Variants in CELF1 observed in about 807,000 individuals in gnomAD.
CELF1 encodes the protein CUGBP Elav-like family member 1.
Under a neutral mutation model 61.8 loss-of-function variants are expected in CELF1, and 10 were observed. That is an observed-to-expected ratio of 0.16 (90% CI 0.10 to 0.27). CELF1 has a LOEUF of 0.27. Among genes scored for constraint, CELF1 ranks in the 10% least tolerant of loss-of-function variants. The probability of loss-of-function intolerance (pLI) is 1.00; values close to 1 mark genes in which losing one functional copy is unlikely to be tolerated. For synonymous variants in CELF1, 236 were observed against 225.1 expected, an observed-to-expected ratio of 1.05 and a Z score of -0.43; for missense variants, 380 against 639.1, an observed-to-expected ratio of 0.59 and a Z score of 4.37.
chr11:47,484,574 T>C (rs368358674), intron 6 of CELF1, 51 bp from the exon 7 acceptor site: 146 of 1,554,468 alleles, frequency 9.4e-5, no homozygotes, highest in Non-Finnish European at 1.1e-4. Flanking sequence ...AAAGAGGCAA[T>C]GTGGCACAGA....
rs2080455881 is a variant in CELF1, at chr11:47,476,868, G to A, written c.1065C>T (p.Gly355=). 6.2e-7 allele frequency: 1 copy of A among 1,614,108 alleles called. No individual in the cohort carries two copies. ...ALQTLAGATA[G]LNVGSLAGMA... ...TACCTGCCAAAGAGCCAACATTGAG[G>A]CCAGCCGTTGCTCCAGCTAATGTCT... Residue 355 remains glycine (G), a synonymous_variant, in exon 12 of 15, where the codon GGC becomes GGT. Coordinates refer to ENST00000687097, the MANE Select transcript of CELF1 (RefSeq NM_001376376.1).
intron 1 of CELF1, among the ~76,000 whole-genome samples, chr11:47,528,437 C>T (rs1399432775): frequency 6.6e-6 from 1 of 151,856 alleles, no homozygotes; most frequent in African/African-American, 2.4e-5. Flanking sequence ...TACAGTTATT[C>T]CATCTCACAT....
intron 12 of CELF1, 149 bp downstream of exon 12, chr11:47,476,697 A>G (rs1267745020): frequency 1.6e-6 from 1 of 642,260 alleles, no homozygotes; most frequent in East Asian, 2.8e-5. Context: ...AAGTGCTGGG[A>G]TTAGAGGTGT....
chr11:47,510,502 T>C (rs1468900145), intron 1 of CELF1, among the ~76,000 whole-genome samples: 2 of 152,198 alleles, frequency 1.3e-5, no homozygotes, highest in Non-Finnish European at 2.9e-5. Flanking sequence ...CACTGTTTTT[T>C]GTTTTTGAGG....
intron 2 of CELF1, among the ~76,000 whole-genome samples, chr11:47,500,128 CT>C (rs2093710617): frequency 6.6e-6 from 1 of 152,086 alleles, no homozygotes; most frequent in Non-Finnish European, 1.5e-5. Flanking sequence ...CAGAGGCAAA[CT>C]GGTTGAATAA....
At chr11:47,553,803 A>AT (rs1555193733), upstream of CELF1, among the ~76,000 whole-genome samples, 28 of 121,208 alleles carry the variant, frequency 2.3e-4, no homozygotes, top group Admixed American at 6.2e-4. Context: ...TACCGAAAAA[A>AT]AAATATATAT....
chr11:47,501,780 G>A (rs983942771), intron 1 of CELF1, among the ~76,000 whole-genome samples: 4 of 151,992 alleles, frequency 2.6e-5, no homozygotes, highest in African/African-American at 4.8e-5. Flanking sequence ...CTGAGATCAC[G>A]CCACTGCACT....
intron 2 of CELF1, among the ~76,000 whole-genome samples, chr11:47,562,979 C>T (rs951651153): frequency 6.6e-6 from 1 of 152,056 alleles, no homozygotes; most frequent in Non-Finnish European, 1.5e-5. Context: ...TCCCAAAGTG[C>T]TGGGATTACA....
chr11:47,534,940 T>A (rs2096590644), intron 1 of CELF1, among the ~76,000 whole-genome samples: 2 of 152,212 alleles, frequency 1.3e-5, no homozygotes, highest in South Asian at 4.1e-4. Context: ...TTTACAAGTC[T>A]GATCTGTGGA....
intron 1 of CELF1, among the ~76,000 whole-genome samples, chr11:47,525,549 T>A (rs1325316404): frequency 6.6e-6 from 1 of 152,180 alleles, no homozygotes; most frequent in African/African-American, 2.4e-5. Flanking sequence ...TAGGTACAAG[T>A]GATCCACTCA....
At chr11:47,514,205 A>G (rs984317742) in intron 1 of CELF1, among the ~76,000 whole-genome samples, 2 of 152,144 alleles carry the variant, frequency 1.3e-5, no homozygotes, top group Non-Finnish European at 2.9e-5. Flanking sequence ...GATTACAGGC[A>G]TGAGCCACCA....
chr11:47,564,590 C>A (rs926085950), intron 1 of CELF1: 1 of 151,938 alleles, frequency 6.6e-6, no homozygotes, highest in African/African-American at 2.4e-5. Context: ...ACCTTAGGTT[C>A]GAGACCAGCC....
chr11:47,487,859 T>C (rs934881940), intron 4 of CELF1, among the ~76,000 whole-genome samples: 3 of 152,216 alleles, frequency 2.0e-5, no homozygotes, highest in Admixed American at 2.0e-4. Context: ...TATCTTTATT[T>C]TGGGTAGTAG....
Position 47,472,090 on chromosome 11 carries a change from G to T in CELF1, c.*140C>A. ...ACAGAAGGCAGTAGCCGAGTCTTCA[G>T]GGCAAGCTGTGCCTGCGAGAGTGGC... On this transcript the variant is annotated 3_prime_UTR_variant, in exon 15 of 15. Transcript: ENST00000687097. The T allele has an allele frequency of 1.0e-6, 1 of 968,038 alleles. No homozygotes were observed. The highest frequency in any genetic ancestry group is 1.5e-6 in the Non-Finnish European group (1 of 646,618). The allele number at this position is 968,038 out of a possible 1,614,324, so 60.0% of individuals were successfully genotyped here.
At chr11:47,560,362 G>T (rs542496298) in intron 2 of CELF1, among the ~76,000 whole-genome samples, 1 of 152,118 alleles carries the variant, frequency 6.6e-6, no homozygotes, top group South Asian at 2.1e-4. Context: ...TTTAGTGAGT[G>T]GAGGATGCGC....
At chr11:47,477,942 A>C (rs1344024212) in intron 10 of CELF1, among the ~76,000 whole-genome samples, 1 of 152,182 alleles carries the variant, frequency 6.6e-6, no homozygotes, top group East Asian at 1.9e-4. Context: ...TCATCACCAG[A>C]AAGAGGAGAG....
In CELF1 at chr11:47,482,828, A is replaced by G; in HGVS notation, c.635T>C (p.Phe212Ser). The G allele has an allele frequency of 6.2e-7, 1 of 1,614,100 alleles. No individual in the cohort carries two copies. Among genetic ancestry groups the G allele is most frequent in the Non-Finnish European group, 8.5e-7 (1 of 1,180,000 alleles). Reference sequence around the variant, plus strand: ...TTCTTTGTCCTTCTGTGTATCAGCAAATTTTACCACCATGGGTGATGAGCA... The same window carrying G: ...TTCTTTGTCCTTCTGTGTATCAGCAGATTTTACCACCATGGGTGATGAGCA... ...EGCSSPMVVK[F>S]ADTQKDKEQK... Residue 212 changes from phenylalanine to serine, a missense_variant, in exon 9 of 15, where the codon TTT (phenylalanine) becomes TCT (serine). Phe to Ser is a radical substitution (Grantham distance 155, BLOSUM62 -2). Transcript: ENST00000687097.
intron 1 of CELF1, among the ~76,000 whole-genome samples, chr11:47,532,505 C>G (rs10160313): frequency 0.99 from 151,492 of 152,336 alleles, 75,334 homozygotes; most frequent in Middle Eastern, 1. Context: ...GGATTCCTTC[C>G]ATGGATAGAA....
chr11:47,491,329 A>G (rs2091375717), intron 3 of CELF1, among the ~76,000 whole-genome samples: 1 of 151,330 alleles, frequency 6.6e-6, no homozygotes, highest in Admixed American at 6.6e-5. Flanking sequence ...TGCCTGGCTA[A>G]TTTTTGTATT....
Sources: gnomAD v4.1 joint callset for allele counts (sites outside exome capture counted in the v4.1 genomes callset) on GRCh38, gnomAD v4.1.1 for gene constraint, MANE v1.5 for transcripts, NCBI Gene and HGNC (gene_info 2026-07-23, HGNC 2026-07-21) for gene names.